The following LARP1B variants were observed in gnomAD, a reference collection of about 807,000 sequenced individuals.
LARP1B encodes La ribonucleoprotein 1B.
In LARP1B, 76 loss-of-function variants were observed where a neutral mutation model predicts 114.2. The observed-to-expected ratio is 0.67, with a 90% CI of 0.55 to 0.81. The LOEUF (loss-of-function observed/expected upper bound fraction) is 0.81, where lower values mean the gene tolerates loss of function less well. Ranked by LOEUF, LARP1B falls within the 30% of genes least tolerant of loss-of-function variation. LARP1B has a pLI of 0.00. For synonymous variants in LARP1B, 345 were observed against 348.0 expected (o/e 0.99, Z 0.10); for missense variants, 1,014 against 1,075.8 (o/e 0.94, Z 0.80).
intron 1 of LARP1B, among the ~76,000 whole-genome samples, chr4:128,074,086 A>G (rs1766835258): frequency 6.6e-6 from 1 of 151,816 alleles, no homozygotes; most frequent in Non-Finnish European, 1.5e-5. Flanking sequence ...GATTACAGGC[A>G]TGTGCCACTG....
chr4:128,170,886 T>C (rs1235739286), intron 12 of LARP1B, among the ~76,000 whole-genome samples: 4 of 150,342 alleles, frequency 2.7e-5, no homozygotes, highest in Non-Finnish European at 5.9e-5. Flanking sequence ...TTTTTTTTTT[T>C]TTTGGCTTCT....
Position 128,077,853 on chromosome 4 carries a change from TG to T in LARP1B, c.109del (p.Glu37LysfsTer16). On this transcript the variant is annotated frameshift_variant, in exon 4 of 20. Transcript: ENST00000326639. LOFTEE classifies it high-confidence loss of function. ...ATAGAAAAGAAAAAGAAGAGAAGGT[TG>T]AAAAGAGAAGTAACAGTGACAGCAA... The part of the protein sequence containing the change: ...QNRKEKEEKV[E>X]KRSNSDSKEN... 4 of 1,612,198 alleles carry T rather than the reference TG, an allele frequency of 2.5e-6. No homozygotes were observed. Among genetic ancestry groups the T allele is most frequent in the Non-Finnish European group, 3.4e-6 (4 of 1,179,102 alleles).
chr4:128,089,534 C>T (rs1190573908), intron 5 of LARP1B, among the ~76,000 whole-genome samples: 1 of 152,028 alleles, frequency 6.6e-6, no homozygotes, highest in African/African-American at 2.4e-5. Context: ...TGGGGTTTTG[C>T]CATGTCGGCC....
chr4:128,127,244 A>C (rs1401468090), intron 11 of LARP1B, among the ~76,000 whole-genome samples: 5 of 105,860 alleles, frequency 4.7e-5, no homozygotes, highest in Middle Eastern at 7.0e-3. Context: ...TATCAGAGAC[A>C]CAGAAAGGAC....
At chr4:128,195,054 G>A (rs1227442776) in intron 15 of LARP1B, among the ~76,000 whole-genome samples, 1 of 151,790 alleles carries the variant, frequency 6.6e-6, no homozygotes, top group Non-Finnish European at 1.5e-5. Flanking sequence ...TTTTCTTTTT[G>A]TGTGTCTTAT....
chr4:128,098,252 A>C lies in LARP1B; in HGVS notation c.735A>C (p.Gln245His), dbSNP rs1384490894. ...DFFLRGKMDEQGFLPISLIAG... is the reference protein window; with the variant it reads ...DFFLRGKMDEHGFLPISLIAG... ...TTCTTCGGGGAAAGATGGATGAACA[A>C]GGTTTCTTGCCTATTTCCCTGATTG... Residue 245 changes from glutamine to histidine, a missense_variant, in exon 8 of 20, where the codon CAA becomes CAC. Coordinates refer to ENST00000326639, the MANE Select transcript of LARP1B (RefSeq NM_018078.4). 4 of 1,613,674 alleles carry C rather than the reference A, an allele frequency of 2.5e-6. No individual in the cohort carries two copies. Among genetic ancestry groups the C allele is most frequent in the Non-Finnish European group, 3.4e-6 (4 of 1,179,718 alleles).
At chr4:128,103,474 T>C (rs535079635) in intron 8 of LARP1B, among the ~76,000 whole-genome samples, 5 of 152,266 alleles carry the variant, frequency 3.3e-5, no homozygotes, top group African/African-American at 1.2e-4. Flanking sequence ...GTTACTTCTT[T>C]CTTGTGTCTT....
At chr4:128,136,328 A>G (rs1435533407) in intron 11 of LARP1B, among the ~76,000 whole-genome samples, 1 of 150,022 alleles carries the variant, frequency 6.7e-6, no homozygotes, top group Non-Finnish European at 1.5e-5. Flanking sequence ...AAACAAAAAA[A>G]CAAAAAAACA....
At chr4:128,195,060 C>T (rs1441769478) in intron 15 of LARP1B, among the ~76,000 whole-genome samples, 2 of 151,832 alleles carry the variant, frequency 1.3e-5, no homozygotes, top group Non-Finnish European at 2.9e-5. Flanking sequence ...TTTTGTGTGT[C>T]TTATACATTT....
At chr4:128,069,077 AATAGTGTGGT>A in intron 1 of LARP1B, 1 of 1,028,638 alleles carries the variant, frequency 9.7e-7, no homozygotes, top group Non-Finnish European at 1.5e-6. Flanking sequence ...GAGAACCACC[AATAGTGTGGT>A]GGCACTTAAG....
chr4:128,168,136 G>A (rs1741934879), intron 12 of LARP1B, among the ~76,000 whole-genome samples: 1 of 151,952 alleles, frequency 6.6e-6, no homozygotes, highest in Non-Finnish European at 1.5e-5. Context: ...TGCTTTTGAG[G>A]GCACTGTTGG....
intron 4 of LARP1B, among the ~76,000 whole-genome samples, chr4:128,080,202 CGA>C: frequency 6.6e-6 from 1 of 151,380 alleles, no homozygotes; most frequent in East Asian, 2.0e-4. Context: ...AGGGTGGTCT[CGA>C]GCTCCCAACC....
In LARP1B at chr4:128,162,201, T is replaced by A. The variant is rs368879586; in HGVS notation, c.1532T>A (p.Val511Asp). The A allele has an allele frequency of 9.9e-6, 16 of 1,612,260 alleles. No individual in the cohort carries two copies. Among genetic ancestry groups the A allele is most frequent in the Non-Finnish European group, 1.3e-5 (15 of 1,178,882 alleles). Residue 511 changes from valine (V) to aspartate (D), a missense_variant, in exon 12 of 20, where the codon GTT becomes GAT. Physicochemically the swap from Val to Asp is radical, Grantham distance 152. Transcript: ENST00000326639. ...TCCTCCATTCTACTTCAGCAAGAAGTTGAGAACTTTAAGAAGCTAAATCTC... is the reference window on the plus strand; with the variant it reads ...TCCTCCATTCTACTTCAGCAAGAAGATGAGAACTTTAAGAAGCTAAATCTC... ...ENKHTAIKQE[V>D]ENFKKLNLIS... is the part of the protein sequence containing the mutation.
intron 11 of LARP1B, among the ~76,000 whole-genome samples, chr4:128,137,381 A>C (rs895049821): frequency 6.6e-6 from 1 of 152,202 alleles, no homozygotes; most frequent in African/African-American, 2.4e-5. Flanking sequence ...ATTAATTCCA[A>C]AACAGCAGTT....
intron 5 of LARP1B, among the ~76,000 whole-genome samples, chr4:128,086,009 C>CTTTT (rs143345158): frequency 3.2e-4 from 29 of 91,238 alleles, no homozygotes; most frequent in East Asian, 5.7e-4. Context: ...TCATGGTATT[C>CTTTT]TTTTTTTTTT....
At chr4:128,076,800 A>G (rs543621659) in intron 3 of LARP1B, among the ~76,000 whole-genome samples, 2 of 151,992 alleles carry the variant, frequency 1.3e-5, no homozygotes, top group African/African-American at 2.4e-5. Context: ...ATCTCAGCTC[A>G]TTGCAGTCTT....
intron 7 of LARP1B, chr4:128,093,003 C>G: frequency 1.0e-6 from 1 of 985,406 alleles, no homozygotes. Context: ...AATTTCTGAT[C>G]ATGCAGTGTA....
At chr4:128,115,654 A>G (rs894164227) in intron 10 of LARP1B, among the ~76,000 whole-genome samples, 1 of 152,132 alleles carries the variant, frequency 6.6e-6, no homozygotes, top group Non-Finnish European at 1.5e-5. Context: ...AAGTTGAAAA[A>G]ATATGACTTT....
intron 15 of LARP1B, among the ~76,000 whole-genome samples, chr4:128,192,829 TTTG>T (rs1189090231): frequency 6.6e-6 from 1 of 151,720 alleles, no homozygotes; most frequent in African/African-American, 2.4e-5. Flanking sequence ...TGTTTGTTTC[TTTG>T]TTTTTTTTTT....
Sources: allele counts gnomAD v4.1 joint callset (sites outside exome capture counted in the v4.1 genomes callset), GRCh38; gene constraint gnomAD v4.1.1; transcripts MANE v1.5; gene names NCBI Gene and HGNC (gene_info 2026-07-23, HGNC 2026-07-21).